Variants in STPG2 observed in about 807,000 individuals in gnomAD.
The protein encoded by STPG2 is sperm-tail PG-rich repeat-containing protein 2.
Under a neutral mutation model 54.2 loss-of-function variants are expected in STPG2, and 56 were observed. The observed-to-expected ratio is 1.03, with a 90% CI of 0.83 to 1.29. The LOEUF (loss-of-function observed/expected upper bound fraction) is 1.29. Ranked by LOEUF, STPG2 falls within the 50% of genes most tolerant of loss-of-function variation. The pLI, the probability that STPG2 is intolerant of heterozygous loss-of-function variation, is 0.00. For synonymous variants in STPG2, 200 were observed against 181.8 expected, an observed-to-expected ratio of 1.10 and a Z score of -0.81; for missense variants, 596 against 544.9, an observed-to-expected ratio of 1.09 and a Z score of -0.93.
intron 8 of STPG2, among the ~76,000 whole-genome samples, chr4:97,869,372 A>G (rs1031536620): frequency 1.3e-5 from 2 of 151,746 alleles, no homozygotes; most frequent in Admixed American, 1.3e-4. Flanking sequence ...GGTAAGTTAC[A>G]GAGTTCTACA....
At chr4:97,516,864 A>ATG (rs1731086756) in intron 4 of STPG2, among the ~76,000 whole-genome samples, 1 of 151,322 alleles carries the variant, frequency 6.6e-6, no homozygotes, top group African/African-American at 2.4e-5. Context: ...ATATATATAT[A>ATG]TGGTCTGGCC....
intron 5 of STPG2, among the ~76,000 whole-genome samples, chr4:98,065,571 A>G (rs1737808951): frequency 6.6e-6 from 1 of 152,220 alleles, no homozygotes; most frequent in Admixed American, 6.5e-5. Context: ...CAAATAAGAT[A>G]TTAACTTATT....
intron 10 of STPG2, among the ~76,000 whole-genome samples, chr4:97,646,754 A>G (rs1721923626): frequency 6.6e-6 from 1 of 152,150 alleles, no homozygotes; most frequent in Non-Finnish European, 1.5e-5. Flanking sequence ...GTAAGTTATA[A>G]TAATTTCAAA....
At chr4:97,505,030 C>T (rs1433531896) in intron 4 of STPG2, among the ~76,000 whole-genome samples, 1 of 150,966 alleles carries the variant, frequency 6.6e-6, no homozygotes, top group Admixed American at 6.6e-5. Flanking sequence ...AAATGGTTGT[C>T]TGTTACAGTG....
intron 4 of STPG2, among the ~76,000 whole-genome samples, chr4:97,550,403 C>A (rs1425654066): frequency 1.3e-5 from 2 of 151,836 alleles, no homozygotes; most frequent in Non-Finnish European, 2.9e-5. Context: ...TAGAGTAATA[C>A]ATTATAATCT....
chr4:98,132,252 CA>C (rs1314437570), intron 2 of STPG2, among the ~76,000 whole-genome samples: 1 of 151,506 alleles, frequency 6.6e-6, no homozygotes, highest in African/African-American at 2.4e-5. Context: ...TTGCTAGGAG[CA>C]AAAAATGAAG....
At chr4:97,768,728 G>A (rs1417423519) in intron 9 of STPG2, among the ~76,000 whole-genome samples, 1 of 151,148 alleles carries the variant, frequency 6.6e-6, no homozygotes, top group Admixed American at 6.6e-5. Context: ...CCAAGAAGGA[G>A]TCTTGCTCTG....
chr4:97,919,794 G>A (rs1219556226), intron 8 of STPG2, among the ~76,000 whole-genome samples: 1 of 151,956 alleles, frequency 6.6e-6, no homozygotes. Context: ...GAATTCAGGG[G>A]GATACTCTTT....
At chr4:97,539,514 C>T (rs1457988124) in intron 4 of STPG2, among the ~76,000 whole-genome samples, 1 of 152,088 alleles carries the variant, frequency 6.6e-6, no homozygotes, top group Non-Finnish European at 1.5e-5. Flanking sequence ...ATTTATGCAC[C>T]CAATACAGGA....
chr4:98,000,728 T>C (rs1735387647), intron 5 of STPG2, among the ~76,000 whole-genome samples: 1 of 152,180 alleles, frequency 6.6e-6, no homozygotes, highest in African/African-American at 2.4e-5. Flanking sequence ...AAATTAACTT[T>C]GTATTAATCA....
At chr4:97,949,538 G>T (rs2149238300) in intron 7 of STPG2, among the ~76,000 whole-genome samples, 1 of 152,198 alleles carries the variant, frequency 6.6e-6, no homozygotes. Flanking sequence ...TTCTATTCTG[G>T]TGCATAATGG....
chr4:97,860,675 T>G (rs1729496630), intron 8 of STPG2, among the ~76,000 whole-genome samples: 1 of 152,220 alleles, frequency 6.6e-6, no homozygotes, highest in East Asian at 1.9e-4. Context: ...ACATGCTTTT[T>G]GGATGAGTCG....
chr4:97,550,019 A>G (rs967358154), intron 4 of STPG2, among the ~76,000 whole-genome samples: 1 of 152,188 alleles, frequency 6.6e-6, no homozygotes, highest in Non-Finnish European at 1.5e-5. Context: ...ATAAAATTAT[A>G]TCTTGTCACA....
At chr4:97,728,175 CTT>C (rs1724680868) in intron 9 of STPG2, among the ~76,000 whole-genome samples, 1 of 151,850 alleles carries the variant, frequency 6.6e-6, no homozygotes, top group African/African-American at 2.4e-5. Flanking sequence ...CTGCAAGAAA[CTT>C]ATTCATTTAT....
chr4:97,550,139 T>C (rs751020161), intron 4 of STPG2, among the ~76,000 whole-genome samples: 5 of 152,172 alleles, frequency 3.3e-5, no homozygotes, highest in Non-Finnish European at 7.4e-5. Context: ...TTATCTTGCT[T>C]TATCTCCCTT....
At chr4:97,816,814 C>T (rs1727927168) in intron 9 of STPG2, among the ~76,000 whole-genome samples, 1 of 149,478 alleles carries the variant, frequency 6.7e-6, no homozygotes. Context: ...CTTTCTGACC[C>T]TCTTCCTTCC....
intron 8 of STPG2, among the ~76,000 whole-genome samples, chr4:97,934,991 G>A (rs140579938): frequency 9.0e-4 from 137 of 152,056 alleles, no homozygotes; most frequent in Admixed American, 7.2e-4. Flanking sequence ...GATACTGGGC[G>A]TTTTTTGGTT....
chr4:97,783,871 G>A (rs760001023), intron 9 of STPG2, among the ~76,000 whole-genome samples: 12 of 151,444 alleles, frequency 7.9e-5, no homozygotes, highest in South Asian at 2.1e-4. Flanking sequence ...GGAACAATGC[G>A]AACACTTGGA....
At chr4:97,756,076 T>TTC (rs894374325) in intron 9 of STPG2, among the ~76,000 whole-genome samples, 7 of 151,680 alleles carry the variant, frequency 4.6e-5, no homozygotes, top group Admixed American at 1.3e-4. Flanking sequence ...CTCTCTCTCT[T>TTC]TCTCTCTCTC....
Sources: allele counts gnomAD v4.1 joint callset (sites outside exome capture counted in the v4.1 genomes callset), GRCh38; gene constraint gnomAD v4.1.1; transcripts MANE v1.5; gene names NCBI Gene and HGNC (gene_info 2026-07-23, HGNC 2026-07-21).